CADM2: variants seen among roughly 807,000 people sequenced by gnomAD.
The protein encoded by CADM2 is immunoglobulin superfamily member 4D.
In CADM2, 12 loss-of-function variants were observed where a neutral mutation model predicts 49.8. That is an observed-to-expected ratio of 0.24 (90% CI 0.15 to 0.39). The LOEUF is 0.39. Among genes scored for constraint, CADM2 ranks in the 10% least tolerant of loss-of-function variants. CADM2 has a pLI of 1.00. For missense variants in CADM2, 378 were observed against 492.3 expected, an observed-to-expected ratio of 0.77 and a Z score of 2.20; for synonymous variants, 214 against 175.4, an observed-to-expected ratio of 1.22 and a Z score of -1.74.
intron 1 of CADM2, among the ~76,000 whole-genome samples, chr3:85,653,043 G>A (rs1157074982): frequency 6.6e-6 from 1 of 151,468 alleles, no homozygotes; most frequent in Admixed American, 6.6e-5. Flanking sequence ...AAAGTGCTGG[G>A]ATTACAGGCG....
At chr3:85,524,461 C>G (rs1018984021) in intron 1 of CADM2, among the ~76,000 whole-genome samples, 1 of 151,980 alleles carries the variant, frequency 6.6e-6, no homozygotes, top group African/African-American at 2.4e-5. Flanking sequence ...TTGGATATTA[C>G]TAAAAAACTT....
chr3:85,140,483 A>T (rs2039544765), intron 1 of CADM2, among the ~76,000 whole-genome samples: 1 of 152,172 alleles, frequency 6.6e-6, no homozygotes, highest in Non-Finnish European at 1.5e-5. Flanking sequence ...TAGAATAAAT[A>T]TTTAAAACAC....
chr3:85,830,104 C>T (rs77299514), intron 3 of CADM2, among the ~76,000 whole-genome samples: 5,155 of 151,964 alleles, frequency 0.034, 302 homozygotes, highest in African/African-American at 0.12. Context: ...ACACCATTTT[C>T]CATAATGGCT....
chr3:85,835,188 C>A (rs1019471037), intron 3 of CADM2, among the ~76,000 whole-genome samples: 1 of 151,444 alleles, frequency 6.6e-6, no homozygotes, highest in Non-Finnish European at 1.5e-5. Context: ...GCTAGGGTTG[C>A]CTTTCCTTTT....
chr3:85,850,674 T>C (rs1437894522), intron 3 of CADM2, among the ~76,000 whole-genome samples: 2 of 152,150 alleles, frequency 1.3e-5, no homozygotes, highest in African/African-American at 4.8e-5. Context: ...GATTGGAGTA[T>C]TCTGTACTCT....
chr3:85,658,921 G>A (rs946498808), intron 1 of CADM2, among the ~76,000 whole-genome samples: 2 of 150,932 alleles, frequency 1.3e-5, no homozygotes, highest in Non-Finnish European at 3.0e-5. Context: ...GCACAGTGGT[G>A]TGCACCTGTA....
chr3:85,350,079 A>G (rs1208297769), intron 1 of CADM2, among the ~76,000 whole-genome samples: 2 of 152,228 alleles, frequency 1.3e-5, no homozygotes, highest in Non-Finnish European at 2.9e-5. Context: ...ACAGAGGAAT[A>G]TTAAAGGAAC....
At chr3:86,047,387 C>A (rs549220879) in intron 8 of CADM2, among the ~76,000 whole-genome samples, 1 of 152,236 alleles carries the variant, frequency 6.6e-6, no homozygotes, top group East Asian at 1.9e-4. Flanking sequence ...AAGCTTTTAT[C>A]ATATTTATTT....
chr3:86,033,042 C>A (rs1333895393), intron 8 of CADM2, among the ~76,000 whole-genome samples: 1 of 151,662 alleles, frequency 6.6e-6, no homozygotes, highest in African/African-American at 2.4e-5. Context: ...CCCAAATTTC[C>A]TCTTTTGGCT....
chr3:85,575,222 C>G (rs2062596125), intron 1 of CADM2, among the ~76,000 whole-genome samples: 2 of 152,130 alleles, frequency 1.3e-5, no homozygotes, highest in Admixed American at 1.3e-4. Context: ...TTAGAATCTT[C>G]AATGAAAATG....
chr3:85,871,396 C>A (rs978196946), intron 3 of CADM2, among the ~76,000 whole-genome samples: 1 of 152,092 alleles, frequency 6.6e-6, no homozygotes. Flanking sequence ...GTTTTTCTAA[C>A]AGATTGAATA....
intron 1 of CADM2, among the ~76,000 whole-genome samples, chr3:85,057,836 C>T (rs1297400870): frequency 2.0e-5 from 3 of 152,152 alleles, no homozygotes; most frequent in African/African-American, 7.2e-5. Flanking sequence ...TGATGATTAA[C>T]AGGCATCCTA....
intron 3 of CADM2, among the ~76,000 whole-genome samples, chr3:85,857,122 A>G (rs1216295841): frequency 3.9e-5 from 6 of 152,174 alleles, no homozygotes; most frequent in Admixed American, 2.0e-4. Flanking sequence ...TTGCACAAAA[A>G]GGGTGAGATA....
chr3:85,616,732 A>G (rs1348252855), intron 1 of CADM2, among the ~76,000 whole-genome samples: 3 of 152,158 alleles, frequency 2.0e-5, no homozygotes, highest in Admixed American at 1.3e-4. Context: ...TAAGACTTTA[A>G]TTTAATACTA....
intron 3 of CADM2, among the ~76,000 whole-genome samples, chr3:85,856,975 T>C (rs149348555): frequency 9.2e-4 from 140 of 152,304 alleles, no homozygotes; most frequent in African/African-American, 3.0e-3. Flanking sequence ...TGTCAGAAAC[T>C]AATTTACTTA....
chr3:85,502,637 G>C (rs1264127354), intron 1 of CADM2, among the ~76,000 whole-genome samples: 3 of 152,054 alleles, frequency 2.0e-5, no homozygotes, highest in East Asian at 3.9e-4. Flanking sequence ...GAAAAAAAAT[G>C]TAGCAGTCTT....
intron 1 of CADM2, among the ~76,000 whole-genome samples, chr3:85,583,972 T>C (rs908685784): frequency 6.6e-6 from 1 of 152,030 alleles, no homozygotes; most frequent in African/African-American, 2.4e-5. Context: ...TTTATTTAGA[T>C]TACTTAGCCT....
At chr3:85,434,753 T>C (rs539535634) in intron 1 of CADM2, among the ~76,000 whole-genome samples, 2 of 152,186 alleles carry the variant, frequency 1.3e-5, no homozygotes, top group African/African-American at 2.4e-5. Context: ...CAATTTAGTA[T>C]TACCTAAAAA....
intron 6 of CADM2, among the ~76,000 whole-genome samples, chr3:85,922,062 TC>T (rs1244056391): frequency 6.6e-6 from 1 of 152,106 alleles, no homozygotes; most frequent in African/African-American, 2.4e-5. Flanking sequence ...CTCAGATGAT[TC>T]TGCTGCTGCT....
Sources: gnomAD v4.1 joint callset for allele counts (sites outside exome capture counted in the v4.1 genomes callset) on GRCh38, gnomAD v4.1.1 for gene constraint, MANE v1.5 for transcripts, NCBI Gene and HGNC (gene_info 2026-07-23, HGNC 2026-07-21) for gene names.